The following SLC14A2 variants were observed in gnomAD, a reference collection of about 807,000 sequenced individuals.
The protein encoded by SLC14A2 is urea transporter 2.
In SLC14A2, 91 loss-of-function variants were observed where a neutral mutation model predicts 104.6. That is an observed-to-expected ratio of 0.87 (90% CI 0.73 to 1.04). The LOEUF is 1.04. Ranked by LOEUF, SLC14A2 falls within the 50% of genes least tolerant of loss-of-function variation. The pLI is 0.00. For missense variants in SLC14A2, 1,189 were observed against 1,156.0 expected (o/e 1.03, Z -0.41); for synonymous variants, 476 against 466.4 (o/e 1.02, Z -0.27).
chr18:45,345,373 G>A (rs1006834171), intron 1 of SLC14A2, among the ~76,000 whole-genome samples: 3 of 152,210 alleles, frequency 2.0e-5, no homozygotes, highest in Non-Finnish European at 4.4e-5. Flanking sequence ...TTTAAAGGCA[G>A]AGTCCCTTTC....
At chr18:45,500,806 C>G (rs1369059593) in intron 2 of SLC14A2, among the ~76,000 whole-genome samples, 1 of 152,166 alleles carries the variant, frequency 6.6e-6, no homozygotes, top group Non-Finnish European at 1.5e-5. Context: ...CCGTCTCTAC[C>G]TTTTCACCAG....
chr18:45,598,903 T>C (rs2044750323), intron 2 of SLC14A2, among the ~76,000 whole-genome samples: 1 of 152,206 alleles, frequency 6.6e-6, no homozygotes, highest in Non-Finnish European at 1.5e-5. Context: ...TTAACTTTCT[T>C]ACCCCAAGGG....
the SLC14A2 span, among the ~76,000 whole-genome samples, chr18:45,179,002 G>T: frequency 1.3e-5 from 2 of 152,196 alleles, no homozygotes; most frequent in African/African-American, 2.4e-5. Context: ...TGCTGGAAAT[G>T]TAACCTGGAG....
At chr18:45,367,280 G>C (rs2085675410) in intron 1 of SLC14A2, among the ~76,000 whole-genome samples, 1 of 152,132 alleles carries the variant, frequency 6.6e-6, no homozygotes, top group African/African-American at 2.4e-5. Flanking sequence ...TATGGATTTG[G>C]AGGATGCTAC....
At chr18:45,338,308 C>T (rs2085356507) in intron 1 of SLC14A2, among the ~76,000 whole-genome samples, 1 of 152,096 alleles carries the variant, frequency 6.6e-6, no homozygotes, top group Non-Finnish European at 1.5e-5. Flanking sequence ...TCATGCCATT[C>T]TCCTGCCTCA....
At chr18:45,634,812 CTGTT>C (rs1320875974) in intron 5 of SLC14A2, 1 of 457,180 alleles carries the variant, frequency 2.2e-6, no homozygotes, top group Admixed American at 2.3e-5. Flanking sequence ...ACAAATCACT[CTGTT>C]TGCAGGATGG....
rs1267439661 is a variant in SLC14A2, at chr18:45,668,027, G to A, written c.1907+5G>A. The A allele has an allele frequency of 1.2e-6, 2 of 1,613,612 alleles. No individual in the cohort carries two copies. The highest frequency in any genetic ancestry group is 1.3e-5 in the African/African-American group (1 of 74,888). On this transcript the variant is annotated splice_donor_5th_base_variant and intron_variant, in intron 14 of 19. Coordinates refer to ENST00000255226, the MANE Select transcript of SLC14A2 (RefSeq NM_007163.4). ...CCTCATCCTGAGTCAGGACAAGTAA[G>A]TCCCAGAGGCTCAGGGTCCAAACAT...
At chr18:45,172,412 C>G in the SLC14A2 span, among the ~76,000 whole-genome samples, 35,328 of 151,988 alleles carry the variant, frequency 0.23, 4,400 homozygotes, top group African/African-American at 0.28. Context: ...AGTCATGTTT[C>G]ATCTGAATGT....
intron 1 of SLC14A2, among the ~76,000 whole-genome samples, chr18:45,426,596 C>T (rs947800282): frequency 1.3e-5 from 2 of 148,894 alleles, no homozygotes; most frequent in African/African-American, 4.9e-5. Context: ...TATATATACA[C>T]ACATATATGT....
chr18:45,520,091 G>T (rs2043496657), intron 2 of SLC14A2, among the ~76,000 whole-genome samples: 1 of 152,214 alleles, frequency 6.6e-6, no homozygotes, highest in African/African-American at 2.4e-5. Flanking sequence ...AGTACGTAGA[G>T]GGTGGAAACC....
chr18:45,634,117 C>T (rs949352616), intron 5 of SLC14A2, among the ~76,000 whole-genome samples: 2 of 152,180 alleles, frequency 1.3e-5, no homozygotes, highest in African/African-American at 2.4e-5. Flanking sequence ...CTGAGCACCC[C>T]ACCCTGGGCT....
chr18:45,659,535 G>C (rs574901525), intron 10 of SLC14A2, among the ~76,000 whole-genome samples: 2 of 152,240 alleles, frequency 1.3e-5, no homozygotes, highest in African/African-American at 4.8e-5. Context: ...AGTTCTTCCA[G>C]CTACTCTTTC....
intron 1 of SLC14A2, among the ~76,000 whole-genome samples, chr18:45,213,511 T>G (rs972048498): frequency 2.0e-5 from 3 of 152,278 alleles, no homozygotes; most frequent in South Asian, 4.2e-4. Flanking sequence ...TAGTAGATTT[T>G]ATATACCAAA....
intron 1 of SLC14A2, among the ~76,000 whole-genome samples, chr18:45,233,885 G>A (rs2084200286): frequency 6.6e-6 from 1 of 150,752 alleles, no homozygotes. Context: ...CCACTCATTT[G>A]CCTCTGTGTT....
In SLC14A2 at chr18:45,423,573, A is replaced by G. The variant is rs140152453; in HGVS notation, c.-124-59660A>G. Among the ~76,000 whole-genome samples, 473 of 152,328 alleles carry G rather than the reference A, an allele frequency of 3.1e-3. 1 individual carries two copies. The highest frequency in any genetic ancestry group is 0.011 in the African/African-American group (454 of 41,572). ...TCCCACCTATTTTATGGGTGAAGAC[A>G]ATGAAGCTTGGGTAAAAAATGTGAC... On this transcript the variant is annotated intron_variant, in intron 1 of 20. Coordinates refer to the SLC14A2 transcript ENST00000586448.
At chr18:45,632,546 C>A in intron 5 of SLC14A2, 68 bp downstream of exon 5, 2 of 1,553,138 alleles carry the variant, frequency 1.3e-6, no homozygotes, top group Non-Finnish European at 1.8e-6. Context: ...CTTATACTGG[C>A]CAGAGACAGG....
At chr18:45,347,444 T>C (rs1347285177) in intron 1 of SLC14A2, among the ~76,000 whole-genome samples, 1 of 152,200 alleles carries the variant, frequency 6.6e-6, no homozygotes, top group East Asian at 1.9e-4. Context: ...GATCCAATAT[T>C]TGACTTTATT....
intron 1 of SLC14A2, among the ~76,000 whole-genome samples, chr18:45,241,639 C>CTTTTTTTTTTTTTTTTTTTTTTTTTTTTT (rs370878349): frequency 8.5e-6 from 1 of 118,042 alleles, no homozygotes. Flanking sequence ...TTTCTTTTCT[C>CTTTTTTTTTTTTTTTTTTTTTTTTTTTTT]TTTTTTTTTT....
chr18:45,582,392 A>G (rs1182171829), intron 2 of SLC14A2, among the ~76,000 whole-genome samples: 1 of 152,212 alleles, frequency 6.6e-6, no homozygotes, highest in African/African-American at 2.4e-5. Context: ...GTATTCAGAC[A>G]TACCAGAGCA....
Sources: allele counts gnomAD v4.1 joint callset (sites outside exome capture counted in the v4.1 genomes callset), GRCh38; gene constraint gnomAD v4.1.1; transcripts MANE v1.5; gene names NCBI Gene and HGNC (gene_info 2026-07-23, HGNC 2026-07-21).